FBRSL1: variants seen among roughly 807,000 people sequenced by gnomAD.
The protein encoded by FBRSL1 is fibrosin like 1, also known as fibrosin-1-like protein.
Under a neutral mutation model 89.6 loss-of-function variants are expected in FBRSL1, and 51 were observed. The observed-to-expected ratio is 0.57, with a 90% confidence interval of 0.45 to 0.72. FBRSL1 has a LOEUF of 0.72. Among genes scored for constraint, FBRSL1 ranks in the 30% least tolerant of loss-of-function variants. The pLI is 0.00. For synonymous variants in FBRSL1, 779 were observed against 681.1 expected, an observed-to-expected ratio of 1.14 and a Z score of -2.24; for missense variants, 1,618 against 1,451.8, an observed-to-expected ratio of 1.11 and a Z score of -1.86.
intron 2 of FBRSL1, chr12:132,511,288 G>C (rs1408484168): frequency 1.0e-6 from 1 of 985,632 alleles, no homozygotes; most frequent in Non-Finnish European, 1.2e-6. Flanking sequence ...AGGGTGGGCA[G>C]CGCCTTCTCC....
intron 5 of FBRSL1, chr12:132,552,397 G>A (rs1262921741): frequency 1.3e-5 from 2 of 155,242 alleles, no homozygotes; most frequent in East Asian, 2.0e-4. Context: ...CCCCTGCCAT[G>A]GGCACTCACC....
At chr12:132,541,182 C>T (rs542648679) in intron 4 of FBRSL1, among the ~76,000 whole-genome samples, 7 of 151,288 alleles carry the variant, frequency 4.6e-5, no homozygotes, top group South Asian at 4.2e-4. Flanking sequence ...TCCCACCACA[C>T]CCCTACCCCG....
intron 2 of FBRSL1, chr12:132,510,314 G>T: frequency 8.1e-7 from 1 of 1,230,518 alleles, no homozygotes; most frequent in Non-Finnish European, 1.0e-6. Flanking sequence ...TATTGGATCT[G>T]GTGCCGGCCC....
intron 4 of FBRSL1, among the ~76,000 whole-genome samples, chr12:132,532,412 T>C (rs2036366370): frequency 6.6e-6 from 1 of 152,086 alleles, no homozygotes. Flanking sequence ...CAGCCCCTTG[T>C]GCCCATCAAG....
intron 18 of FBRSL1, 96 bp downstream of exon 18, chr12:132,582,362 TTCTCCCCGTTTCC>T: frequency 1.0e-6 from 1 of 968,932 alleles, no homozygotes; most frequent in Non-Finnish European, 1.5e-6. Flanking sequence ...CCGTTCCCTC[TTCTCCCCGTTTCC>T]TCTCCCTCAC....
At chr12:132,561,635 G>A (rs1264635580) in intron 5 of FBRSL1, among the ~76,000 whole-genome samples, 1 of 152,130 alleles carries the variant, frequency 6.6e-6, no homozygotes, top group Non-Finnish European at 1.5e-5. Context: ...CGGCGTGGTG[G>A]GGCCTGCTGC....
intron 15 of FBRSL1, among the ~76,000 whole-genome samples, chr12:132,580,569 G>A (rs1008965819): frequency 1.3e-5 from 2 of 152,166 alleles, no homozygotes; most frequent in Non-Finnish European, 2.9e-5. Context: ...TCCTGCACAC[G>A]CTTTGACAAG....
intron 4 of FBRSL1, among the ~76,000 whole-genome samples, chr12:132,547,535 G>A (rs1213206592): frequency 1.3e-5 from 2 of 152,142 alleles, no homozygotes; most frequent in Non-Finnish European, 2.9e-5. Flanking sequence ...AGGAGCTGGG[G>A]TGCCTGGATC....
chr12:132,508,334 T>G lies in FBRSL1; in HGVS notation c.473T>G (p.Leu158Arg). Reference protein sequence around the residue: ...PACDGARKVPLQPSKQMKVTV... With the variant: ...PACDGARKVPRQPSKQMKVTV... ...TGCGATGGGGCGAGAAAGGTCCCAC[T>G]GCAGCCCTCCAAGCAGGTGAGCAGG... Residue 158 changes from leucine to arginine, a missense_variant, in exon 2 of 19, where the codon CTG becomes CGG. Physicochemically the swap from Leu to Arg is moderately radical, Grantham distance 102. Transcript: ENST00000680143. 6.5e-7 allele frequency: 1 copy of G among 1,533,796 alleles called. No individual in the cohort carries two copies. Among genetic ancestry groups the G allele is most frequent in the Non-Finnish European group, 8.8e-7 (1 of 1,139,740 alleles).
intron 1 of FBRSL1, among the ~76,000 whole-genome samples, chr12:132,494,953 C>T (rs574959395): frequency 1.3e-5 from 2 of 152,348 alleles, no homozygotes; most frequent in African/African-American, 2.4e-5. Flanking sequence ...CTTAAGAAAC[C>T]CCAGGCTACT....
At chr12:132,505,468 C>G (rs1225883358) in intron 1 of FBRSL1, among the ~76,000 whole-genome samples, 1 of 152,184 alleles carries the variant, frequency 6.6e-6, no homozygotes, top group African/African-American at 2.4e-5. Flanking sequence ...GTCCCGGCCC[C>G]ACCCCCACCC....
intron 4 of FBRSL1, among the ~76,000 whole-genome samples, chr12:132,533,677 A>T (rs927021802): frequency 3.3e-5 from 5 of 152,172 alleles, no homozygotes; most frequent in Admixed American, 6.5e-5. Context: ...TCTGCCACCC[A>T]TCTGTCCGTC....
intron 4 of FBRSL1, among the ~76,000 whole-genome samples, chr12:132,532,653 G>A (rs767700836): frequency 6.6e-6 from 1 of 152,066 alleles, no homozygotes; most frequent in Non-Finnish European, 1.5e-5. Flanking sequence ...GGAGAAAGAT[G>A]GGAAAGACCT....
At chr12:132,497,347 GC>G (rs928691092) in intron 1 of FBRSL1, among the ~76,000 whole-genome samples, 1 of 151,916 alleles carries the variant, frequency 6.6e-6, no homozygotes, top group African/African-American at 2.4e-5. Flanking sequence ...GGGTGGCCTG[GC>G]TGGCTCAGGA....
intron 11 of FBRSL1, among the ~76,000 whole-genome samples, chr12:132,573,799 G>A (rs1275462011): frequency 6.6e-6 from 1 of 152,156 alleles, no homozygotes; most frequent in African/African-American, 2.4e-5. Flanking sequence ...GACTAGGTGT[G>A]CACCACTCCC....
intron 4 of FBRSL1, among the ~76,000 whole-genome samples, chr12:132,538,015 G>C (rs1250488614): frequency 6.6e-6 from 1 of 152,182 alleles, no homozygotes; most frequent in African/African-American, 2.4e-5. Flanking sequence ...GGAGGAGCCA[G>C]ACTGGCTGGG....
At position 132,583,418 on chromosome 12, in the gene FBRSL1, C is replaced by T. The variant is rs1196223793; in HGVS notation, c.2649C>T (p.Arg883=). The change falls in exon 19 of 19, where the codon CGC becomes CGT. Residue 883 remains arginine (R), a synonymous_variant. Coordinates refer to ENST00000680143, the MANE Select transcript of FBRSL1 (RefSeq NM_001367871.1). Reference sequence around the variant, plus strand: ...CCGCCCTCTTGGAGCCCCCGGAGCGCCCCTACCGCGACCGCGAGCCCCACG... The same window carrying T: ...CCGCCCTCTTGGAGCCCCCGGAGCGTCCCTACCGCGACCGCGAGCCCCACG... The part of the protein sequence containing the change: ...GSAALLEPPE[R]PYRDREPHGY... The T allele has an allele frequency of 9.3e-6, 10 of 1,080,484 alleles. No homozygotes were observed. In the Admixed American group the frequency reaches 2.3e-4, roughly 24 times the overall value. 66.9% of individuals were successfully genotyped at this position (1,080,484 alleles called of 1,614,324 possible).
chr12:132,560,456 C>T (rs1280583299), intron 5 of FBRSL1, among the ~76,000 whole-genome samples: 1 of 151,942 alleles, frequency 6.6e-6, no homozygotes, highest in Non-Finnish European at 1.5e-5. Flanking sequence ...CGGGTCAGGG[C>T]ACCCGGGGTC....
Position 132,583,180 on chromosome 12 carries a change from A to G in FBRSL1, c.2411A>G (p.His804Arg). Residue 804 changes from histidine (H) to arginine (R), a missense_variant, in exon 19 of 19, where the codon CAC becomes CGC. Physicochemically the swap from His to Arg is conservative, Grantham distance 29 (BLOSUM62 0). Coordinates refer to ENST00000680143, the MANE Select transcript of FBRSL1 (RefSeq NM_001367871.1). ...AKMPARASPP[H>R]SKAAPGDVKV... is the part of the protein sequence containing the mutation. ...ATGCCCGCGCGCGCATCCCCGCCCC[A>G]CAGCAAGGCGGCCCCTGGAGACGTG... 1 of 1,453,088 alleles carries G rather than the reference A, an allele frequency of 6.9e-7. No individual in the cohort carries two copies. Among genetic ancestry groups the G allele is most frequent in the Non-Finnish European group, 9.0e-7 (1 of 1,106,422 alleles). 90.0% of individuals were successfully genotyped at this position (1,453,088 alleles called of 1,614,324 possible). A position where few individuals can be genotyped will look rare whatever the true frequency, so the allele number is the denominator to read the frequency against.
Sources: gnomAD v4.1 joint callset for allele counts (sites outside exome capture counted in the v4.1 genomes callset) on GRCh38, gnomAD v4.1.1 for gene constraint, MANE v1.5 for transcripts, NCBI Gene and HGNC (gene_info 2026-07-23, HGNC 2026-07-21) for gene names.